The following GRM7 variants were observed in gnomAD, a reference collection of about 807,000 sequenced individuals.
GRM7 encodes metabotropic glutamate receptor 7.
Under a neutral mutation model 84.5 loss-of-function variants are expected in GRM7, and 35 were observed. The ratio of observed to expected loss-of-function variants is 0.41; its 90% CI spans 0.32 to 0.55. The LOEUF (loss-of-function observed/expected upper bound fraction) is 0.55. Ranked by LOEUF, GRM7 falls within the 20% of genes least tolerant of loss-of-function variation. The pLI, the probability that GRM7 is intolerant of heterozygous loss-of-function variation, is 0.19. For missense variants in GRM7, 1,003 were observed against 1,194.6 expected (o/e 0.84, Z 2.36); for synonymous variants, 487 against 455.1 (o/e 1.07, Z -0.89).
chr3:7,147,430 CTCT>C (rs148716826), intron 2 of GRM7, among the ~76,000 whole-genome samples: 2,212 of 152,264 alleles, frequency 0.015, 49 homozygotes, highest in African/African-American at 0.05. Context: ...TATTCCCACA[CTCT>C]TCTTATGTTG....
At chr3:6,885,226 C>G (rs889458226) in intron 1 of GRM7, among the ~76,000 whole-genome samples, 1 of 152,174 alleles carries the variant, frequency 6.6e-6, no homozygotes, top group African/African-American at 2.4e-5. Context: ...AAGCAGTAGC[C>G]TACAGCAGCC....
intron 7 of GRM7, among the ~76,000 whole-genome samples, chr3:7,568,123 G>A (rs961553869): frequency 6.6e-6 from 1 of 152,188 alleles, no homozygotes; most frequent in African/African-American, 2.4e-5. Flanking sequence ...GGCTAGCTAA[G>A]GTGCCTGGAA....
intron 6 of GRM7, among the ~76,000 whole-genome samples, chr3:7,460,128 A>AAAAAAAAG (rs1559338182): frequency 7.5e-6 from 1 of 134,098 alleles, no homozygotes; most frequent in Non-Finnish European, 1.7e-5. Context: ...AAAAAAAAAA[A>AAAAAAAAG]AGATGCCAAA....
chr3:6,993,355 C>A (rs945910493), intron 1 of GRM7, among the ~76,000 whole-genome samples: 1 of 152,136 alleles, frequency 6.6e-6, no homozygotes, highest in African/African-American at 2.4e-5. Flanking sequence ...CAAAAAGGAG[C>A]AGGTATGATA....
chr3:6,880,771 C>G (rs1695479351), intron 1 of GRM7, among the ~76,000 whole-genome samples: 1 of 152,066 alleles, frequency 6.6e-6, no homozygotes, highest in Non-Finnish European at 1.5e-5. Context: ...TATTTGGACT[C>G]ATCTCTCAAA....
At chr3:7,093,494 A>G (rs1698739102) in intron 1 of GRM7, among the ~76,000 whole-genome samples, 1 of 151,622 alleles carries the variant, frequency 6.6e-6, no homozygotes, top group South Asian at 2.1e-4. Context: ...CCTGTCCAAT[A>G]TGGTGAAACC....
intron 4 of GRM7, among the ~76,000 whole-genome samples, chr3:7,338,539 A>T (rs1476693413): frequency 6.6e-6 from 1 of 152,114 alleles, no homozygotes; most frequent in East Asian, 1.9e-4. Flanking sequence ...TTAAAAAAAG[A>T]CATGTTCCTC....
At chr3:7,575,054 C>T (rs1694893084) in intron 7 of GRM7, among the ~76,000 whole-genome samples, 1 of 151,732 alleles carries the variant, frequency 6.6e-6, no homozygotes, top group Non-Finnish European at 1.5e-5. Flanking sequence ...CTTTCTTTGA[C>T]CAGAACTGCA....
intron 8 of GRM7, among the ~76,000 whole-genome samples, chr3:7,639,292 G>C (rs1359381889): frequency 6.6e-6 from 1 of 152,160 alleles, no homozygotes; most frequent in Non-Finnish European, 1.5e-5. Flanking sequence ...AGTGTGGCCA[G>C]ACCCATCTTG....
At chr3:7,435,040 A>G (rs928556530) in intron 5 of GRM7, among the ~76,000 whole-genome samples, 1 of 151,860 alleles carries the variant, frequency 6.6e-6, no homozygotes, top group South Asian at 2.1e-4. Flanking sequence ...TATCTCTTAA[A>G]TTTTTTTTCA....
intron 4 of GRM7, among the ~76,000 whole-genome samples, chr3:7,316,696 G>C (rs965635375): frequency 6.6e-6 from 1 of 152,112 alleles, no homozygotes; most frequent in Non-Finnish European, 1.5e-5. Context: ...CAATTCTGGA[G>C]GTGTTAAGTT....
At chr3:7,710,908 C>T (rs774553007) in intron 9 of GRM7, among the ~76,000 whole-genome samples, 1 of 152,218 alleles carries the variant, frequency 6.6e-6, no homozygotes, top group African/African-American at 2.4e-5. Flanking sequence ...CTCAACCTCA[C>T]GTTGCCTTCA....
intron 1 of GRM7, among the ~76,000 whole-genome samples, chr3:7,048,630 A>G (rs1696883112): frequency 6.6e-6 from 1 of 151,962 alleles, no homozygotes; most frequent in East Asian, 1.9e-4. Flanking sequence ...ATATTGTACA[A>G]CATAAAGGTT....
intron 8 of GRM7, among the ~76,000 whole-genome samples, chr3:7,667,829 C>A (rs906258627): frequency 3.4e-5 from 5 of 147,686 alleles, no homozygotes; most frequent in African/African-American, 1.3e-4. Context: ...CATATAGGGT[C>A]TCAGTTAAGT....
At chr3:7,269,839 C>T (rs576770552) in intron 2 of GRM7, among the ~76,000 whole-genome samples, 27 of 152,288 alleles carry the variant, frequency 1.8e-4, no homozygotes, top group Admixed American at 1.6e-3. Context: ...AGGGCTTCTG[C>T]AGCTCCCCCT....
intron 1 of GRM7, among the ~76,000 whole-genome samples, chr3:7,111,912 T>C (rs770793041): frequency 1.7e-4 from 26 of 152,050 alleles, no homozygotes; most frequent in Non-Finnish European, 2.9e-4. Flanking sequence ...CCCCCCACCC[T>C]CAGAGAGTCC....
chr3:7,627,587 C>T (rs1697672938), intron 8 of GRM7, among the ~76,000 whole-genome samples: 2 of 152,316 alleles, frequency 1.3e-5, no homozygotes, highest in South Asian at 4.1e-4. Context: ...CACTGGAAAA[C>T]ACTTGAACTT....
At chr3:6,904,133 A>G (rs1051042786) in intron 1 of GRM7, among the ~76,000 whole-genome samples, 2 of 151,954 alleles carry the variant, frequency 1.3e-5, no homozygotes, top group African/African-American at 4.8e-5. Flanking sequence ...AAATTCATCC[A>G]TTTTGCTTAT....
intron 2 of GRM7, among the ~76,000 whole-genome samples, chr3:7,179,123 T>A (rs1695253052): frequency 6.6e-6 from 1 of 151,666 alleles, no homozygotes; most frequent in Non-Finnish European, 1.5e-5. Context: ...AAAAAAATGT[T>A]ATCTTGGTAC....
Sources: allele counts gnomAD v4.1 joint callset (sites outside exome capture counted in the v4.1 genomes callset), GRCh38; gene constraint gnomAD v4.1.1; transcripts MANE v1.5; gene names NCBI Gene and HGNC (gene_info 2026-07-23, HGNC 2026-07-21).